The following TMEM132C variants were observed in gnomAD, a reference collection of about 807,000 sequenced individuals.
The protein encoded by TMEM132C is protein phosphatase 1, regulatory subunit 152.
TMEM132C carries 29 observed loss-of-function variants against 61.4 expected under a neutral mutation model. The observed-to-expected ratio is 0.47, with a 90% CI of 0.35 to 0.64. The LOEUF (loss-of-function observed/expected upper bound fraction) is 0.64. Ranked by LOEUF, TMEM132C falls within the 30% of genes least tolerant of loss-of-function variation. The pLI, the probability that TMEM132C is intolerant of heterozygous loss-of-function variation, is 0.00. For missense variants in TMEM132C, 1,408 were observed against 1,476.9 expected, an observed-to-expected ratio of 0.95 and a Z score of 0.76; for synonymous variants, 656 against 633.1, an observed-to-expected ratio of 1.04 and a Z score of -0.54.
At chr12:128,390,487 C>A (rs1321521189) in intron 1 of TMEM132C, among the ~76,000 whole-genome samples, 3 of 152,176 alleles carry the variant, frequency 2.0e-5, no homozygotes, top group African/African-American at 7.2e-5. Context: ...CCCTCCTCCA[C>A]CTCTAAGAAC....
At chr12:128,573,689 A>G (rs1045581057) in intron 3 of TMEM132C, among the ~76,000 whole-genome samples, 3 of 152,074 alleles carry the variant, frequency 2.0e-5, no homozygotes, top group Non-Finnish European at 4.4e-5. Flanking sequence ...GGTGGATGCC[A>G]GAGGCTGGAG....
intron 2 of TMEM132C, among the ~76,000 whole-genome samples, chr12:128,416,581 A>G (rs1868787398): frequency 6.6e-6 from 1 of 152,204 alleles, no homozygotes; most frequent in East Asian, 1.9e-4. Flanking sequence ...AAATATTTGC[A>G]AGCTAGAATG....
chr12:128,627,918 C>T (rs916953210), intron 4 of TMEM132C, among the ~76,000 whole-genome samples: 10 of 152,182 alleles, frequency 6.6e-5, no homozygotes, highest in African/African-American at 1.2e-4. Context: ...GAGGTGGCCA[C>T]GGAGCTGCTG....
At chr12:128,584,724 T>C (rs889011145) in intron 3 of TMEM132C, among the ~76,000 whole-genome samples, 1 of 152,190 alleles carries the variant, frequency 6.6e-6, no homozygotes, top group Non-Finnish European at 1.5e-5. Context: ...GTCCAGAAAG[T>C]CCACATGGCC....
chr12:128,351,942 A>G (rs1050762220), intron 1 of TMEM132C, among the ~76,000 whole-genome samples: 5 of 152,214 alleles, frequency 3.3e-5, no homozygotes, highest in African/African-American at 1.2e-4. Context: ...ATGGAGGCTG[A>G]GAAGTCCCAA....
chr12:128,323,340 A>G (rs1360395585), intron 1 of TMEM132C, among the ~76,000 whole-genome samples: 2 of 152,210 alleles, frequency 1.3e-5, no homozygotes, highest in African/African-American at 2.4e-5. Context: ...GCCTTGAGCC[A>G]CTGTACACAG....
chr12:128,364,124 G>T (rs1022648291), intron 1 of TMEM132C, among the ~76,000 whole-genome samples: 1 of 152,110 alleles, frequency 6.6e-6, no homozygotes, highest in Non-Finnish European at 1.5e-5. Context: ...TGCCGTTAAA[G>T]GTTCAGGATC....
intron 2 of TMEM132C, among the ~76,000 whole-genome samples, chr12:128,515,679 A>G (rs1872695131): frequency 6.6e-6 from 1 of 151,998 alleles, no homozygotes. Flanking sequence ...TAAAAATACA[A>G]AAAAAATTAG....
intron 4 of TMEM132C, among the ~76,000 whole-genome samples, chr12:128,653,180 T>C (rs1295247477): frequency 6.6e-6 from 1 of 151,714 alleles, no homozygotes; most frequent in African/African-American, 2.4e-5. Context: ...AAGGGCCACA[T>C]GTTGTATGAT....
At chr12:128,638,635 G>C (rs564377038) in intron 4 of TMEM132C, among the ~76,000 whole-genome samples, 6 of 152,290 alleles carry the variant, frequency 3.9e-5, no homozygotes, top group Admixed American at 2.6e-4. Context: ...AGGTGGTTAC[G>C]GAATTTAAAC....
intron 4 of TMEM132C, among the ~76,000 whole-genome samples, chr12:128,665,051 A>G (rs1046357587): frequency 9.3e-5 from 14 of 151,254 alleles, no homozygotes; most frequent in African/African-American, 3.2e-4. Context: ...ATACATATAC[A>G]CACATAAGCA....
At chr12:128,604,278 AATTG>A (rs1876318563) in intron 3 of TMEM132C, among the ~76,000 whole-genome samples, 1 of 152,104 alleles carries the variant, frequency 6.6e-6, no homozygotes, top group Admixed American at 6.6e-5. Context: ...TAGAGTGATT[AATTG>A]ATTGGTAGAT....
chr12:128,438,790 C>G (rs968929611), intron 2 of TMEM132C: 2 of 152,226 alleles, frequency 1.3e-5, no homozygotes, highest in Admixed American at 6.5e-5. Flanking sequence ...CCTCTGGAAG[C>G]CACCAATCTG....
At chr12:128,543,396 C>T (rs752742044) in intron 2 of TMEM132C, among the ~76,000 whole-genome samples, 6 of 152,086 alleles carry the variant, frequency 3.9e-5, no homozygotes, top group East Asian at 3.9e-4. Flanking sequence ...AAATTTGCAC[C>T]GCTAGGAAGT....
intron 2 of TMEM132C, among the ~76,000 whole-genome samples, chr12:128,525,092 T>C (rs1462060712): frequency 6.6e-6 from 1 of 152,238 alleles, no homozygotes; most frequent in African/African-American, 2.4e-5. Context: ...AAGAGAAGCC[T>C]GATGCTGTTA....
chr12:128,496,904 T>G (rs186755224), intron 2 of TMEM132C, among the ~76,000 whole-genome samples: 331 of 152,262 alleles, frequency 2.2e-3, no homozygotes, highest in Non-Finnish European at 3.8e-3. Context: ...AGGGGAGAGG[T>G]GCTCTGATTT....
chr12:128,644,398 T>C (rs764239891), intron 4 of TMEM132C, among the ~76,000 whole-genome samples: 2 of 152,192 alleles, frequency 1.3e-5, no homozygotes, highest in Non-Finnish European at 2.9e-5. Context: ...GAATAAAACA[T>C]GATTTGGCAA....
rs1874836771 is a variant in TMEM132C, at chr12:128,570,406, T to C, written c.1121+26303T>C. 6.6e-6 allele frequency among the ~76,000 whole-genome samples: 1 copy of C among 152,240 alleles called. No individual in the cohort carries two copies. Among genetic ancestry groups the C allele is most frequent in the Admixed American group, 6.5e-5 (1 of 15,278 alleles). On this transcript the variant is annotated intron_variant, in intron 3 of 8. Transcript: ENST00000435159. This position sits in a 1 kb window ranked among gnomAD's most constrained non-coding sequence, Gnocchi z 4.7. The stretch of plus-strand genomic sequence containing the variant: ...GACATGCACGTCAGAGAAAAACTGC[T>C]CTGATGAATGGGTCTTGGGTTAGAC...
chr12:128,270,538 G>A (rs953079173), intron 1 of TMEM132C, among the ~76,000 whole-genome samples: 1 of 152,140 alleles, frequency 6.6e-6, no homozygotes, highest in Non-Finnish European at 1.5e-5. Context: ...AGGGGTTTTG[G>A]GTTTCTGGTA....
Sources: gnomAD v4.1 joint callset for allele counts (sites outside exome capture counted in the v4.1 genomes callset) on GRCh38, gnomAD v4.1.1 for gene constraint, Gnocchi (gnomAD v3.1) non-coding constraint, MANE v1.5 for transcripts, NCBI Gene and HGNC (gene_info 2026-07-23, HGNC 2026-07-21) for gene names.